MLLT3: variants seen among roughly 807,000 people sequenced by gnomAD.
MLLT3 encodes the protein protein AF-9.
Under a neutral mutation model 53.2 loss-of-function variants are expected in MLLT3, and 4 were observed. The ratio of observed to expected loss-of-function variants is 0.08; its 90% CI spans 0.04 to 0.17. The LOEUF (loss-of-function observed/expected upper bound fraction) is 0.17, where lower values mean the gene tolerates loss of function less well. MLLT3 is among the 10% of genes least tolerant of loss of function. The pLI is 1.00. For missense variants in MLLT3, 569 were observed against 684.0 expected (o/e 0.83, Z 1.87); for synonymous variants, 283 against 230.6 (o/e 1.23, Z -2.06).
At chr9:20,354,552 C>T (rs986882784) in intron 9 of MLLT3, among the ~76,000 whole-genome samples, 1 of 152,238 alleles carries the variant, frequency 6.6e-6, no homozygotes, top group Non-Finnish European at 1.5e-5. Context: ...ATTCCCAATT[C>T]AATGTGCCTG....
intron 2 of MLLT3, among the ~76,000 whole-genome samples, chr9:20,483,244 T>A (rs77579398): frequency 0.054 from 1,435 of 26,726 alleles, 23 homozygotes; most frequent in Admixed American, 0.2. Context: ...TATTATTATT[T>A]TTTTTTTTGA....
At chr9:20,470,599 T>A (rs1824366669) in intron 2 of MLLT3, among the ~76,000 whole-genome samples, 1 of 152,000 alleles carries the variant, frequency 6.6e-6, no homozygotes, top group African/African-American at 2.4e-5. Flanking sequence ...ACCTACCTTA[T>A]CAATTCCTTT....
intron 2 of MLLT3, among the ~76,000 whole-genome samples, chr9:20,545,855 C>CT (rs1818772649): frequency 1.5e-5 from 1 of 65,496 alleles, no homozygotes; most frequent in Non-Finnish European, 3.3e-5. Context: ...CCAGTCTCTA[C>CT]CAAAAAAAAA....
intron 2 of MLLT3, among the ~76,000 whole-genome samples, chr9:20,549,537 G>A (rs1045742150): frequency 3.3e-5 from 5 of 152,184 alleles, no homozygotes; most frequent in Non-Finnish European, 5.9e-5. Context: ...CTAGAAAGCA[G>A]GTACTTTATG....
intron 9 of MLLT3, 90 bp downstream of exon 9, chr9:20,354,718 G>C (rs1587145029): frequency 1.2e-6 from 1 of 848,464 alleles, no homozygotes; most frequent in Admixed American, 1.9e-5. Context: ...GAAAATGAAA[G>C]GAGAACCAGC....
At chr9:20,392,739 C>A (rs1240552749) in intron 5 of MLLT3, among the ~76,000 whole-genome samples, 4 of 152,118 alleles carry the variant, frequency 2.6e-5, no homozygotes, top group African/African-American at 4.8e-5. Flanking sequence ...TAGGACAGGA[C>A]AAAAGGCAAA....
rs575943656 is a variant in MLLT3 at position 20,592,357 on chromosome 9, G to A, written c.193+28297C>T. 8.5e-5 allele frequency among the ~76,000 whole-genome samples: 13 copies of A among 152,288 alleles called. No individual in the cohort carries two copies. In the East Asian group the frequency reaches 2.5e-3, roughly 29 times the overall value. ...GCAACAGGAATTTATTTACAGCTCTGGAGGCTCTAAGTCCAAGATGAAGAT... is the reference window on the plus strand; with the variant it reads ...GCAACAGGAATTTATTTACAGCTCTAGAGGCTCTAAGTCCAAGATGAAGAT... On this transcript the variant is annotated intron_variant, in intron 2 of 10. Coordinates refer to ENST00000380338, the MANE Select transcript of MLLT3 (RefSeq NM_004529.4).
At chr9:20,576,907 A>G (rs1185193896) in intron 2 of MLLT3, among the ~76,000 whole-genome samples, 1 of 152,174 alleles carries the variant, frequency 6.6e-6, no homozygotes, top group African/African-American at 2.4e-5. Context: ...TCAGGAAGCT[A>G]AGTCATGAGA....
chr9:20,511,293 G>T (rs1825527963), intron 2 of MLLT3, among the ~76,000 whole-genome samples: 1 of 151,674 alleles, frequency 6.6e-6, no homozygotes, highest in African/African-American at 2.4e-5. Context: ...AAATAATTAA[G>T]AACAAATGAA....
chr9:20,357,731 C>A (rs1821204338), intron 8 of MLLT3, among the ~76,000 whole-genome samples: 1 of 152,108 alleles, frequency 6.6e-6, no homozygotes, highest in South Asian at 2.1e-4. Context: ...CTTCTCTAGT[C>A]CCTGGAAGAT....
intron 4 of MLLT3, among the ~76,000 whole-genome samples, chr9:20,428,404 G>A (rs963274186): frequency 6.6e-6 from 1 of 151,558 alleles, no homozygotes; most frequent in Non-Finnish European, 1.5e-5. Flanking sequence ...ATTTAAAAAC[G>A]TTTTAATGTT....
chr9:20,616,816 A>T (rs575286483), intron 2 of MLLT3, among the ~76,000 whole-genome samples: 2 of 152,182 alleles, frequency 1.3e-5, no homozygotes, highest in Non-Finnish European at 2.9e-5. Flanking sequence ...GACTATTACA[A>T]AAACAGTCAC....
intron 2 of MLLT3, among the ~76,000 whole-genome samples, chr9:20,545,640 C>T (rs913756845): frequency 6.6e-6 from 1 of 152,006 alleles, no homozygotes; most frequent in Non-Finnish European, 1.5e-5. Flanking sequence ...TATTTAACAA[C>T]CTTGTATTTT....
At chr9:20,375,055 G>A (rs1352935068) in intron 5 of MLLT3, among the ~76,000 whole-genome samples, 1 of 152,236 alleles carries the variant, frequency 6.6e-6, no homozygotes, top group Non-Finnish European at 1.5e-5. Flanking sequence ...GCCAGGAAGA[G>A]AGACCTTACC....
In MLLT3 at chr9:20,622,353, G is replaced by C. The variant is rs937457080; in HGVS notation, c.-97C>G. 8 of 1,185,036 alleles carry C rather than the reference G, an allele frequency of 6.8e-6. No individual in the cohort carries two copies. The highest frequency in any genetic ancestry group is 4.9e-5 in the South Asian group (3 of 61,022). 73.4% of individuals were successfully genotyped at this position (1,185,036 alleles called of 1,614,324 possible). ...TTCATGAAGAGGCTGCTATGAATGA[G>C]AGCGCGCCCAGGAGCGGAGGGTAGA... On this transcript the variant is annotated 5_prime_UTR_variant, in exon 1 of 11. Transcript: ENST00000380338.
intron 3 of MLLT3, among the ~76,000 whole-genome samples, chr9:20,452,483 C>T (rs1256041957): frequency 6.6e-5 from 10 of 152,144 alleles, no homozygotes; most frequent in Admixed American, 3.9e-4. Flanking sequence ...GTCAATTAAA[C>T]CTATTTCCTT....
chr9:20,375,256 T>C (rs1414837498), intron 5 of MLLT3, among the ~76,000 whole-genome samples: 2 of 152,230 alleles, frequency 1.3e-5, no homozygotes, highest in South Asian at 2.1e-4. Context: ...GGGTAATATT[T>C]AGGTGAATTA....
intron 2 of MLLT3, among the ~76,000 whole-genome samples, chr9:20,560,912 T>C (rs907158129): frequency 1.3e-5 from 2 of 152,192 alleles, no homozygotes; most frequent in African/African-American, 4.8e-5. Context: ...TTTCTACGTA[T>C]TGGTAACATT....
intron 5 of MLLT3, among the ~76,000 whole-genome samples, chr9:20,382,140 G>C (rs1426082798): frequency 6.6e-6 from 1 of 151,692 alleles, no homozygotes; most frequent in Non-Finnish European, 1.5e-5. Flanking sequence ...TTCTTAATTA[G>C]ATGAATGCAT....
Sources: allele counts gnomAD v4.1 joint callset (sites outside exome capture counted in the v4.1 genomes callset), GRCh38; gene constraint gnomAD v4.1.1; transcripts MANE v1.5; gene names NCBI Gene and HGNC (gene_info 2026-07-23, HGNC 2026-07-21).